PLCB4: variants seen among roughly 807,000 people sequenced by gnomAD.
PLCB4 encodes 1-phosphatidylinositol 4,5-bisphosphate phosphodiesterase beta-4.
PLCB4 carries 77 observed loss-of-function variants against 178.8 expected under a neutral mutation model. That is an observed-to-expected ratio of 0.43 (90% CI 0.36 to 0.52). The LOEUF (loss-of-function observed/expected upper bound fraction) is 0.52, where lower values mean the gene tolerates loss of function less well. Among genes scored for constraint, PLCB4 ranks in the 20% least tolerant of loss-of-function variants. PLCB4 has a pLI of 0.00. For synonymous variants in PLCB4, 496 were observed against 490.8 expected (o/e 1.01, Z -0.14); for missense variants, 1,024 against 1,453.4 (o/e 0.70, Z 4.80).
At chr20:9,158,484 G>A (rs2092827708) in intron 2 of PLCB4, among the ~76,000 whole-genome samples, 1 of 148,350 alleles carries the variant, frequency 6.7e-6, no homozygotes, top group African/African-American at 2.5e-5. Flanking sequence ...GGCCAGGCCT[G>A]TCTCAAACTC....
chr20:9,376,946 G>T (rs2036726782), intron 12 of PLCB4, among the ~76,000 whole-genome samples: 1 of 152,080 alleles, frequency 6.6e-6, no homozygotes, highest in South Asian at 2.1e-4. Flanking sequence ...GCAGATGAAA[G>T]AATATTTTAA....
At chr20:9,444,299 C>A in intron 32 of PLCB4, 56 bp downstream of exon 32, 3 of 1,031,410 alleles carry the variant, frequency 2.9e-6, no homozygotes, top group South Asian at 1.4e-5. Flanking sequence ...CATTTGTAGC[C>A]AAAAACACTA....
chr20:9,312,752 C>T (rs2094851634), intron 4 of PLCB4, among the ~76,000 whole-genome samples: 1 of 152,024 alleles, frequency 6.6e-6, no homozygotes, highest in Non-Finnish European at 1.5e-5. Context: ...AAGCTAGTTC[C>T]AAGAGCACTT....
At chr20:9,407,081 T>G (rs910931530) in intron 21 of PLCB4, among the ~76,000 whole-genome samples, 1 of 152,216 alleles carries the variant, frequency 6.6e-6, no homozygotes, top group Admixed American at 6.5e-5. Context: ...AAACCACGTA[T>G]GTATGTTGCT....
intron 10 of PLCB4, 36 bp from the exon 11 acceptor site, chr20:9,372,267 G>A (rs1199451712): frequency 3.3e-6 from 4 of 1,230,684 alleles, no homozygotes; most frequent in Non-Finnish European, 4.8e-6. Flanking sequence ...GGGAAAAACG[G>A]TTCTGTGATT....
At chr20:9,271,785 C>G (rs1410257685) in intron 3 of PLCB4, among the ~76,000 whole-genome samples, 1 of 152,076 alleles carries the variant, frequency 6.6e-6, no homozygotes, top group Non-Finnish European at 1.5e-5. Flanking sequence ...TACCTGGAGT[C>G]AGAAGTCACA....
chr20:9,453,418 G>T lies in PLCB4; in HGVS notation c.2952G>T (p.Lys984Asn). Residue 984 changes from lysine to asparagine, a missense_variant, in exon 33 of 40, where the codon AAG (lysine) becomes AAT (asparagine). Physicochemically the swap from Lys to Asn is moderately conservative, Grantham distance 94. This residue lies in a region of PLCB4 where 264 missense variants were observed against 283.2 expected (regional missense o/e 0.93). Transcript: ENST00000378473. Reference protein sequence around the residue: ...DKIVAQYDKEKSTHEKILEKA... With the variant: ...DKIVAQYDKENSTHEKILEKA... ...TTGTGGCACAGTATGACAAAGAGAA[G>T]TCGACTCATGAGAAAATCCTAGAGA... is the stretch of plus-strand genomic sequence containing the variant. The T allele has an allele frequency of 1.9e-6, 3 of 1,612,290 alleles. No individual in the cohort carries two copies. Among genetic ancestry groups the T allele is most frequent in the Non-Finnish European group, 2.5e-6 (3 of 1,178,826 alleles).
intron 39 of PLCB4, 140 bp downstream of exon 39, chr20:9,476,893 A>G: frequency 3.3e-6 from 2 of 608,500 alleles, no homozygotes; most frequent in Middle Eastern, 2.6e-4. Context: ...TGACTATTCC[A>G]TGCTTGGATT....
intron 3 of PLCB4, among the ~76,000 whole-genome samples, chr20:9,231,596 A>G (rs535746913): frequency 6.6e-6 from 1 of 152,226 alleles, no homozygotes; most frequent in South Asian, 2.1e-4. Context: ...CCGAATTTCT[A>G]TGGAGATGGG....
intron 2 of PLCB4, among the ~76,000 whole-genome samples, chr20:9,171,317 T>A (rs1237765027): frequency 6.6e-6 from 1 of 152,174 alleles, no homozygotes; most frequent in Non-Finnish European, 1.5e-5. Flanking sequence ...TAGTAGACAG[T>A]TTACGTTTCC....
At chr20:9,176,839 A>G (rs977674569) in intron 2 of PLCB4, among the ~76,000 whole-genome samples, 2 of 152,222 alleles carry the variant, frequency 1.3e-5, no homozygotes, top group African/African-American at 4.8e-5. Context: ...TAACATGAGG[A>G]AACTGTTAGA....
At chr20:9,468,789 G>T in intron 36 of PLCB4, 117 bp downstream of exon 36, 1 of 593,150 alleles carries the variant, frequency 1.7e-6, no homozygotes, top group Non-Finnish European at 3.0e-6. Context: ...TGTGGCTTTT[G>T]ACTAGGAATT....
In PLCB4 at chr20:9,280,528, T is replaced by A. The variant is rs543732724; in HGVS notation, c.-15-27272T>A. On this transcript the variant is annotated intron_variant, in intron 3 of 39. Transcript: ENST00000378473. ...GGGTTTCTCATCCCATTAGTTGAAGTTAGCAAACAGGAAAGCATTCTCCTT... is the reference window on the plus strand; with the variant it reads ...GGGTTTCTCATCCCATTAGTTGAAGATAGCAAACAGGAAAGCATTCTCCTT... The A allele has an allele frequency of 2.9e-4, 248 of 862,746 alleles. 1 individual carries two copies. In the African/African-American group the frequency reaches 4.4e-3, roughly 15 times the overall value. 53.4% of individuals were successfully genotyped at this position (862,746 alleles called of 1,614,324 possible).
rs185574942 is a variant in PLCB4, at chr20:9,140,905, C to A, written c.-79+44563C>A. On this transcript the variant is annotated intron_variant, in intron 2 of 39. Coordinates refer to ENST00000378473, the MANE Select transcript of PLCB4 (RefSeq NM_001377142.1). ...GGTAGTTGCCCTGAAGAAGAAAGGA[C>A]CAAGGGGAGAGAATATTTATCTTGA... is the stretch of plus-strand genomic sequence containing the variant. 3.0e-4 allele frequency among the ~76,000 whole-genome samples: 46 copies of A among 151,970 alleles called. No homozygotes were observed. The East Asian group carries it at 7.0e-3, about 23-fold the overall frequency.
At chr20:9,272,690 T>A (rs1409205685) in intron 3 of PLCB4, among the ~76,000 whole-genome samples, 1 of 152,128 alleles carries the variant, frequency 6.6e-6, no homozygotes, top group Non-Finnish European at 1.5e-5. Flanking sequence ...ATCAAATTGT[T>A]TTTGAGCTTT....
intron 3 of PLCB4, among the ~76,000 whole-genome samples, chr20:9,267,247 C>T (rs545803355): frequency 6.6e-6 from 1 of 152,090 alleles, no homozygotes; most frequent in African/African-American, 2.4e-5. Context: ...ATTTCTTCAA[C>T]CATTTTGTCA....
intron 19 of PLCB4, 103 bp downstream of exon 19, chr20:9,395,721 G>C (rs1034974036): frequency 1.3e-6 from 1 of 775,088 alleles, no homozygotes; most frequent in Admixed American, 2.3e-5. Flanking sequence ...CCCAGCACTT[G>C]GGGAGGCCAA....
At chr20:9,146,847 G>A (rs6039399) in intron 2 of PLCB4, among the ~76,000 whole-genome samples, 20,831 of 152,114 alleles carry the variant, frequency 0.14, 2,678 homozygotes, top group East Asian at 0.53. Flanking sequence ...AGGAATTGGC[G>A]AGGTCAGCAT....
intron 2 of PLCB4, among the ~76,000 whole-genome samples, chr20:9,198,151 A>T (rs2147173286): frequency 6.6e-6 from 1 of 152,222 alleles, no homozygotes; most frequent in African/African-American, 2.4e-5. Context: ...AGATATAACT[A>T]AGGTTTTTAT....
Sources: gnomAD v4.1 joint callset for allele counts (sites outside exome capture counted in the v4.1 genomes callset) on GRCh38, gnomAD v4.1.1 for gene constraint, gnomAD v4.1.1 regional missense constraint, MANE v1.5 for transcripts, NCBI Gene and HGNC (gene_info 2026-07-23, HGNC 2026-07-21) for gene names.